Variants in CHIT1 observed in about 807,000 individuals in gnomAD.
CHIT1 encodes the protein chitinase 1.
A neutral mutation model predicts 52.0 loss-of-function variants in CHIT1; 47 were observed. The ratio of observed to expected loss-of-function variants is 0.90; its 90% CI spans 0.71 to 1.15. CHIT1 has a LOEUF of 1.15. Ranked by LOEUF, CHIT1 falls within the 50% of genes most tolerant of loss-of-function variation. The pLI is 0.00. For synonymous variants in CHIT1, 242 were observed against 228.2 expected, an observed-to-expected ratio of 1.06 and a Z score of -0.54; for missense variants, 569 against 583.0, an observed-to-expected ratio of 0.98 and a Z score of 0.25.
chr1:203,227,418 C>A (rs1656966413), intron 2 of CHIT1, among the ~76,000 whole-genome samples: 1 of 152,224 alleles, frequency 6.6e-6, no homozygotes, highest in Non-Finnish European at 1.5e-5. Flanking sequence ...CATGCTGTCG[C>A]ATATCAAATA....
chr1:203,222,358 A>G (rs761317480), intron 6 of CHIT1, 33 bp from the exon 7 acceptor site: 1 of 1,613,886 alleles, frequency 6.2e-7, no homozygotes, highest in Non-Finnish European at 8.5e-7. Context: ...GGTGAGAAAC[A>G]AGGGATTGGG....
At chr1:203,229,109 C>T (rs1417508413) in intron 1 of CHIT1, among the ~76,000 whole-genome samples, 3 of 152,176 alleles carry the variant, frequency 2.0e-5, no homozygotes, top group Admixed American at 6.5e-5. Context: ...ATCTCTTTCA[C>T]CTGGTGACCT....
intron 1 of CHIT1, 53 bp from the exon 2 acceptor site, chr1:203,228,615 C>T (rs1338732157): frequency 2.5e-5 from 39 of 1,550,352 alleles, no homozygotes; most frequent in Non-Finnish European, 3.4e-5. Flanking sequence ...CTCACCTTCC[C>T]AGGCCCCACA....
chr1:203,220,114 G>A (rs937870510), intron 7 of CHIT1, among the ~76,000 whole-genome samples: 2 of 152,162 alleles, frequency 1.3e-5, no homozygotes, highest in African/African-American at 2.4e-5. Flanking sequence ...GTGTACTGAT[G>A]GCCCACTGTG....
chr1:203,218,944 TCTC>T, intron 9 of CHIT1, among the ~76,000 whole-genome samples: 1 of 152,352 alleles, frequency 6.6e-6, no homozygotes, highest in African/African-American at 2.4e-5. Flanking sequence ...CATGTGTATT[TCTC>T]CTCTTCATAT....
intron 2 of CHIT1, among the ~76,000 whole-genome samples, chr1:203,228,056 C>T (rs972064810): frequency 1.3e-5 from 2 of 152,216 alleles, no homozygotes. Flanking sequence ...AGCTCCACAT[C>T]TGATCAGTTC....
chr1:203,222,961 A>C lies in CHIT1; in HGVS notation c.605+174T>G, dbSNP rs551731006. Among the ~76,000 whole-genome samples, 15 of 152,318 alleles carry C rather than the reference A, an allele frequency of 9.8e-5. No homozygotes were observed. The South Asian group carries it at 3.1e-3, about 32-fold the overall frequency. ...AGCAAAGCCTTTCTGGATGTGTCTT[A>C]GTTTTACCCTGAGTACAAAAGCAGG... On this transcript the variant is annotated intron_variant, in intron 6 of 10. Transcript: ENST00000367229.
At chr1:203,218,902 G>A (rs951303924) in intron 9 of CHIT1, among the ~76,000 whole-genome samples, 1 of 152,166 alleles carries the variant, frequency 6.6e-6, no homozygotes, top group Admixed American at 6.5e-5. Context: ...ACCAGATATT[G>A]CCAATGGGCT....
At chr1:203,228,442 G>T in intron 2 of CHIT1, 91 bp downstream of exon 2, 2 of 1,336,400 alleles carry the variant, frequency 1.5e-6, no homozygotes, top group Non-Finnish European at 2.1e-6. Context: ...GAAATCTGGA[G>T]CTCTTGGGGA....
intron 2 of CHIT1, among the ~76,000 whole-genome samples, chr1:203,226,493 G>A (rs1656937235): frequency 6.6e-6 from 1 of 152,228 alleles, no homozygotes; most frequent in Admixed American, 6.5e-5. Flanking sequence ...GTAGCAGAGA[G>A]GAGGCCCCAG....
At position 203,226,760 on chromosome 1, in the gene CHIT1, C is replaced by A. The variant is rs372866545; in HGVS notation, c.56-890G>T. 4.1e-4 allele frequency among the ~76,000 whole-genome samples: 61 copies of A among 149,970 alleles called. No homozygotes were observed. The South Asian group carries it at 7.9e-3, about 19-fold the overall frequency. ...CCCAGTGAGGGCTCGGTGGTGATGA[C>A]CCCCACTGAGGTCAGCCCTGTGCAG... On this transcript the variant is annotated intron_variant, in intron 2 of 10. Coordinates refer to ENST00000367229, the MANE Select transcript of CHIT1 (RefSeq NM_003465.3).
At chr1:203,217,210 A>G in intron 10 of CHIT1, 77 bp from the exon 11 acceptor site, 1 of 1,597,410 alleles carries the variant, frequency 6.3e-7, no homozygotes, top group East Asian at 2.2e-5. Flanking sequence ...ACAGGCAGCA[A>G]CCATTGGCTG....
Position 203,225,719 on chromosome 1 carries a change from A to G in CHIT1, c.207T>C (p.Thr69=), listed in dbSNP as rs1230405925. 1 of 1,613,986 alleles carries G rather than the reference A, an allele frequency of 6.2e-7. No homozygotes were observed. The highest frequency in any genetic ancestry group is 2.2e-5 in the East Asian group (1 of 44,856). The part of the protein sequence containing the change: ...AGMTNHQLST[T]EWNDETLYQE... The stretch of plus-strand genomic sequence containing the variant: ...GGTAGAGAGTCTCGTCATTCCACTC[A>G]GTGGTGCTCAGCTGGTGGTTGGTCA... The change falls in exon 3 of 11, where the codon ACT becomes ACC. Residue 69 remains threonine (T), a synonymous_variant. Transcript: ENST00000367229.
intron 3 of CHIT1, 87 bp from the exon 4 acceptor site, chr1:203,225,191 G>T: frequency 7.9e-7 from 1 of 1,260,948 alleles, no homozygotes; most frequent in Non-Finnish European, 1.2e-6. Context: ...AGGAACAACA[G>T]GGGTGGGGAC....
rs202073190 is a variant in CHIT1 at position 203,219,682 on chromosome 1, C to G, written c.897G>C (p.Gly299=). The part of the protein sequence containing the change: ...GTPGPFTKEG[G]MLAYYEVCSW... The stretch of plus-strand genomic sequence containing the variant: ...TTCCTACTTCATAGTAGGCCAGCAT[C>G]CCTCCTTCCTTGGTGAAGGGGCCTG... Residue 299 remains glycine (G), a synonymous_variant, in exon 8 of 11, where the codon GGG becomes GGC. Transcript: ENST00000367229. The G allele has an allele frequency of 4.5e-5, 72 of 1,614,158 alleles. 1 individual carries two copies. In the East Asian group the frequency reaches 1.6e-3, roughly 36 times the overall value.
At chr1:203,217,618 AC>A in intron 10 of CHIT1, 120 bp downstream of exon 10, 1 of 1,493,056 alleles carries the variant, frequency 6.7e-7, no homozygotes, top group Non-Finnish European at 9.2e-7. Context: ...TTGGGAAATT[AC>A]AGTATTGGGG....
intron 1 of CHIT1, 111 bp downstream of exon 1, chr1:203,229,501 G>C: frequency 7.9e-7 from 1 of 1,272,714 alleles, no homozygotes. Flanking sequence ...ACCCTCTGAA[G>C]TTCTCCTGAG....
rs750932103 is a variant in CHIT1, at chr1:203,217,714, C to T, written c.1156+25G>A. The T allele has an allele frequency of 3.1e-6, 5 of 1,613,772 alleles. No homozygotes were observed. In the African/African-American group the frequency reaches 4.0e-5, roughly 13 times the overall value. ...TTTGTACCCCACCTCCAAATTCCAC[C>T]ACTGGCCCTGGGCCCCTTACTTACT... On this transcript the variant is annotated intron_variant, in intron 10 of 10. Transcript: ENST00000367229.
rs764864572 is a variant in CHIT1 at position 203,223,207 on chromosome 1, A to C, written c.533T>G (p.Leu178Arg). 2 of 1,614,232 alleles carry C rather than the reference A, an allele frequency of 1.2e-6. No homozygotes were observed. Among genetic ancestry groups the C allele is most frequent in the East Asian group, 4.5e-5 (2 of 44,882 alleles). Residue 178 changes from leucine to arginine, a missense_variant, in exon 6 of 11, where the codon CTT (leucine) becomes CGT (arginine). Coordinates refer to ENST00000367229, the MANE Select transcript of CHIT1 (RefSeq NM_003465.3). Reference sequence around the variant, plus strand: ...AGCTGGAACCGCTGCACTCAGAAGAAGGCGTTCCTTCCCTGAGGTCTGGGC... The same window carrying C: ...AGCTGGAACCGCTGCACTCAGAAGACGGCGTTCCTTCCCTGAGGTCTGGGC... ...QEAQTSGKER[L>R]LLSAAVPAGQ...
Sources: gnomAD v4.1 joint callset for allele counts (sites outside exome capture counted in the v4.1 genomes callset) on GRCh38, gnomAD v4.1.1 for gene constraint, MANE v1.5 for transcripts, NCBI Gene and HGNC (gene_info 2026-07-23, HGNC 2026-07-21) for gene names.